Variants in NUP210L observed in about 807,000 individuals in gnomAD.
The protein encoded by NUP210L is nucleoporin 210 like, also known as nuclear pore membrane glycoprotein 210-like.
NUP210L carries 74 observed loss-of-function variants against 208.5 expected under a neutral mutation model. That is an observed-to-expected ratio of 0.35 (90% CI 0.29 to 0.43). NUP210L has a LOEUF of 0.43. Ranked by LOEUF, NUP210L falls within the 20% of genes least tolerant of loss-of-function variation. NUP210L has a pLI of 1.00. For missense variants in NUP210L, 1,843 were observed against 2,289.4 expected, an observed-to-expected ratio of 0.81 and a Z score of 3.98; for synonymous variants, 780 against 816.9, an observed-to-expected ratio of 0.95 and a Z score of 0.77.
intron 16 of NUP210L, among the ~76,000 whole-genome samples, chr1:154,087,273 T>A (rs992500686): frequency 6.8e-6 from 1 of 147,782 alleles, no homozygotes; most frequent in Non-Finnish European, 1.5e-5. Flanking sequence ...TGAGCTGAGA[T>A]TGCACCACTT....
intron 15 of NUP210L, among the ~76,000 whole-genome samples, chr1:154,093,292 G>T (rs1226947233): frequency 6.6e-6 from 1 of 152,088 alleles, no homozygotes; most frequent in Non-Finnish European, 1.5e-5. Context: ...GCCGGGTGTG[G>T]TGGTGCATGC....
At chr1:154,050,815 C>A (rs1653446460) in intron 25 of NUP210L, among the ~76,000 whole-genome samples, 1 of 152,252 alleles carries the variant, frequency 6.6e-6, no homozygotes. Context: ...ATTGAAGATG[C>A]TGAAAATGTC....
At chr1:154,043,688 G>A (rs953331652) in intron 27 of NUP210L, among the ~76,000 whole-genome samples, 6 of 149,730 alleles carry the variant, frequency 4.0e-5, no homozygotes, top group South Asian at 2.1e-4. Context: ...GTGCAGTGGC[G>A]TGATCTCTGC....
At chr1:154,090,672 A>T (rs1655857498) in intron 15 of NUP210L, among the ~76,000 whole-genome samples, 1 of 152,076 alleles carries the variant, frequency 6.6e-6, no homozygotes, top group South Asian at 2.1e-4. Flanking sequence ...TTAGCCAGGC[A>T]TATTGCCACA....
At chr1:154,143,621 G>A in intron 2 of NUP210L, 44 bp from the exon 3 acceptor site, 1 of 1,536,382 alleles carries the variant, frequency 6.5e-7, no homozygotes, top group Non-Finnish European at 8.9e-7. Context: ...AATAGGTCAT[G>A]AATCTATTAA....
At chr1:154,085,650 G>A (rs1305624942) in intron 16 of NUP210L, among the ~76,000 whole-genome samples, 1 of 152,008 alleles carries the variant, frequency 6.6e-6, no homozygotes, top group Non-Finnish European at 1.5e-5. Context: ...GAAATGCAAG[G>A]GACCCAGAAT....
chr1:154,040,311 G>A (rs1251357233), intron 27 of NUP210L, among the ~76,000 whole-genome samples: 1 of 151,938 alleles, frequency 6.6e-6, no homozygotes, highest in Non-Finnish European at 1.5e-5. Flanking sequence ...TGCTGAGGCA[G>A]GAGGATCGCT....
chr1:154,002,121 A>G (rs1006356972), intron 35 of NUP210L, 136 bp from the exon 36 acceptor site: 21 of 857,236 alleles, frequency 2.4e-5, no homozygotes, highest in Non-Finnish European at 3.4e-5. Context: ...TGAGTATTCA[A>G]TATCAGCACA....
intron 15 of NUP210L, among the ~76,000 whole-genome samples, chr1:154,090,640 G>A (rs145612166): frequency 4.6e-5 from 7 of 152,092 alleles, no homozygotes; most frequent in Non-Finnish European, 7.4e-5. Flanking sequence ...GTGAAACCCC[G>A]TCTCTACTAA....
intron 35 of NUP210L, among the ~76,000 whole-genome samples, chr1:154,008,179 T>G (rs1490413831): frequency 6.6e-6 from 1 of 152,150 alleles, no homozygotes; most frequent in Non-Finnish European, 1.5e-5. Flanking sequence ...GCCTGATTTA[T>G]TTTTTCATCA....
At chr1:154,072,284 A>G (rs111799434) in intron 16 of NUP210L, among the ~76,000 whole-genome samples, 116 of 144,424 alleles carry the variant, frequency 8.0e-4, no homozygotes, top group African/African-American at 2.4e-3. Context: ...TTACACCAAC[A>G]TCTATTATTT....
At chr1:154,000,990 A>G (rs1650176291) in exon 37 of NUP210L, 1 of 1,614,082 alleles carries the variant, frequency 6.2e-7, no homozygotes, top group African/African-American at 1.3e-5. Flanking sequence ...TACAGAGTAA[A>G]TGGCCAGGCC....
intron 17 of NUP210L, among the ~76,000 whole-genome samples, chr1:154,066,383 G>A (rs969652343): frequency 9.9e-5 from 15 of 152,148 alleles, no homozygotes; most frequent in African/African-American, 2.2e-4. Context: ...AGGCCGAGGC[G>A]GGCGGATCAC....
intron 12 of NUP210L, among the ~76,000 whole-genome samples, chr1:154,105,000 G>A (rs1012014260): frequency 7.2e-5 from 11 of 152,144 alleles, no homozygotes; most frequent in Admixed American, 2.0e-4. Flanking sequence ...GGAGAGGGGA[G>A]AGTAAAAAGG....
In NUP210L at chr1:154,086,816, TA is replaced by T. The variant is rs545109848; in HGVS notation, c.2361+2604del. ...GAGTGAAAAGTGAGACCCTGTGTCT[TA>T]AAAAAAAAAAAGTAAAAGATAACCC... On this transcript the variant is annotated intron_variant, in intron 16 of 39. Coordinates refer to ENST00000368559, the Ensembl canonical transcript of NUP210L. Among the ~76,000 whole-genome samples the T allele has an allele frequency of 1.2e-3, 169 of 143,202 alleles. 1 individual carries two copies. The highest frequency in any genetic ancestry group is 4.8e-3 in the South Asian group (22 of 4,544). 93.9% of individuals were successfully genotyped at this position (143,202 alleles called of 152,430 possible). A position where few individuals can be genotyped will look rare whatever the true frequency, so the allele number is the denominator to read the frequency against.
At chr1:154,119,621 A>G (rs1657507732) in intron 10 of NUP210L, among the ~76,000 whole-genome samples, 2 of 151,898 alleles carry the variant, frequency 1.3e-5, no homozygotes, top group African/African-American at 4.8e-5. Context: ...AAACCAAATA[A>G]ATAAATAAAT....
At chr1:154,048,727 C>T (rs1653320687) in intron 25 of NUP210L, among the ~76,000 whole-genome samples, 1 of 152,154 alleles carries the variant, frequency 6.6e-6, no homozygotes, top group South Asian at 2.1e-4. Context: ...GCAAAAAGTA[C>T]CTACGGGAGT....
intron 16 of NUP210L, among the ~76,000 whole-genome samples, chr1:154,076,664 C>T (rs1229491738): frequency 1.3e-5 from 2 of 151,684 alleles, no homozygotes; most frequent in Non-Finnish European, 1.5e-5. Flanking sequence ...TGAGATTATC[C>T]AGTCTGATGA....
intron 37 of NUP210L, among the ~76,000 whole-genome samples, chr1:153,996,601 TA>T (rs1157971573): frequency 1.3e-5 from 2 of 152,068 alleles, no homozygotes; most frequent in East Asian, 3.9e-4. Flanking sequence ...TTCGTATTTT[TA>T]GTAGGGATGA....
Sources: gnomAD v4.1 joint callset for allele counts (sites outside exome capture counted in the v4.1 genomes callset) on GRCh38, gnomAD v4.1.1 for gene constraint, MANE v1.5 for transcripts, NCBI Gene and HGNC (gene_info 2026-07-23, HGNC 2026-07-21) for gene names.